The following ARNT2 variants were observed in gnomAD, a reference collection of about 807,000 sequenced individuals.
ARNT2 encodes the protein ARNT protein 2.
Under a neutral mutation model 91.7 loss-of-function variants are expected in ARNT2, and 36 were observed. That is an observed-to-expected ratio of 0.39 (90% confidence interval 0.30 to 0.52). The LOEUF (loss-of-function observed/expected upper bound fraction) is 0.52. Among genes scored for constraint, ARNT2 ranks in the 20% least tolerant of loss-of-function variants. The pLI is 0.72. For synonymous variants in ARNT2, 365 were observed against 347.1 expected (o/e 1.05, Z -0.57); for missense variants, 775 against 939.3 (o/e 0.83, Z 2.29).
chr15:80,558,694 G>A (rs1035654286), intron 11 of ARNT2, among the ~76,000 whole-genome samples: 2 of 152,058 alleles, frequency 1.3e-5, no homozygotes, highest in African/African-American at 4.8e-5. Context: ...CCCTGTACAA[G>A]GGTGGCTCTC....
chr15:80,445,321 T>C (rs1165692846), intron 1 of ARNT2, among the ~76,000 whole-genome samples: 2 of 146,430 alleles, frequency 1.4e-5, no homozygotes, highest in Non-Finnish European at 3.0e-5. Flanking sequence ...GGTGTGGGGG[T>C]GTGTGGTGTG....
intron 5 of ARNT2, among the ~76,000 whole-genome samples, chr15:80,492,047 T>C (rs1179635683): frequency 6.6e-6 from 1 of 152,116 alleles, no homozygotes; most frequent in Non-Finnish European, 1.5e-5. Context: ...TTTCTTTCTT[T>C]CTTTTTTTTT....
chr15:80,571,419 T>G (rs955470562), intron 12 of ARNT2, among the ~76,000 whole-genome samples: 1 of 152,226 alleles, frequency 6.6e-6, no homozygotes, highest in African/African-American at 2.4e-5. Context: ...AAATCTAGTC[T>G]TGCTCAGTCT....
chr15:80,446,122 C>A (rs1009262289), intron 1 of ARNT2, among the ~76,000 whole-genome samples: 1 of 152,052 alleles, frequency 6.6e-6, no homozygotes, highest in Admixed American at 6.6e-5. Context: ...GCGTTGCTAT[C>A]CCCATTTTGC....
rs371536101 is a variant in ARNT2 at position 80,475,969 on chromosome 15, A to G, written c.622+746A>G. 2.6e-5 allele frequency among the ~76,000 whole-genome samples: 4 copies of G among 152,332 alleles called. No individual in the cohort carries two copies. In the East Asian group the frequency reaches 7.7e-4, roughly 29 times the overall value. ...AGTATACACAATCATGCAATTCAAA[A>G]CTATAGGGCTTATCGAGAAAAAGTG... On this transcript the variant is annotated intron_variant, in intron 5 of 18. Transcript: ENST00000303329.
At chr15:80,495,806 A>G (rs1897118811) in intron 5 of ARNT2, among the ~76,000 whole-genome samples, 2 of 151,770 alleles carry the variant, frequency 1.3e-5, no homozygotes, top group South Asian at 4.2e-4. Flanking sequence ...CCCTCCTTCC[A>G]CTTTCCCCAC....
At chr15:80,530,345 T>A (rs1897716238) in intron 8 of ARNT2, among the ~76,000 whole-genome samples, 1 of 152,152 alleles carries the variant, frequency 6.6e-6, no homozygotes, top group South Asian at 2.1e-4. Flanking sequence ...GCGCAGACAT[T>A]CTGCCACCAT....
chr15:80,571,906 T>G (rs1177700547), intron 12 of ARNT2, among the ~76,000 whole-genome samples: 1 of 152,212 alleles, frequency 6.6e-6, no homozygotes, highest in Non-Finnish European at 1.5e-5. Context: ...CTCTTTGAAC[T>G]TCAGTTTCTT....
chr15:80,418,965 A>G (rs951608788), intron 1 of ARNT2, among the ~76,000 whole-genome samples: 3 of 152,184 alleles, frequency 2.0e-5, no homozygotes, highest in Non-Finnish European at 2.9e-5. Context: ...GGAAAGAATG[A>G]CAGAGTCTGT....
chr15:80,550,760 A>G (rs1402739438), intron 8 of ARNT2, among the ~76,000 whole-genome samples: 3 of 152,244 alleles, frequency 2.0e-5, no homozygotes, highest in African/African-American at 7.2e-5. Context: ...TTGCCTGACA[A>G]GTTAGTAACC....
At chr15:80,512,412 A>G (rs1897357583) in intron 6 of ARNT2, among the ~76,000 whole-genome samples, 1 of 152,234 alleles carries the variant, frequency 6.6e-6, no homozygotes, top group Non-Finnish European at 1.5e-5. Flanking sequence ...CACCTGCCTC[A>G]GGTCACAGGA....
At chr15:80,443,486 C>A (rs1331207376) in intron 1 of ARNT2, among the ~76,000 whole-genome samples, 6 of 151,312 alleles carry the variant, frequency 4.0e-5, no homozygotes. Flanking sequence ...GCAGCAGAGC[C>A]CAGAAGATGG....
At chr15:80,469,461 A>G (rs774869091) in intron 3 of ARNT2, among the ~76,000 whole-genome samples, 6 of 151,880 alleles carry the variant, frequency 4.0e-5, no homozygotes, top group Non-Finnish European at 8.8e-5. Context: ...TGGTAAGACT[A>G]TATAGTGCTT....
At chr15:80,458,973 G>A (rs928456245) in intron 3 of ARNT2, among the ~76,000 whole-genome samples, 5 of 152,162 alleles carry the variant, frequency 3.3e-5, no homozygotes, top group Non-Finnish European at 5.9e-5. Flanking sequence ...TGGGCCCCCT[G>A]AGTTACCCTA....
rs572789099 is a variant in ARNT2, at chr15:80,416,581, A to C, written c.31+12035A>C. Among the ~76,000 whole-genome samples, 4 of 152,228 alleles carry C rather than the reference A, an allele frequency of 2.6e-5. No homozygotes were observed. In the East Asian group the frequency reaches 7.7e-4, roughly 29 times the overall value. On this transcript the variant is annotated intron_variant, in intron 1 of 18. Transcript: ENST00000303329. Reference sequence around the variant, plus strand: ...GGATTATAAGTTACATTAAGTTCTGATGTCTCTTTAGTGTCCTTTAATTCT... The same window carrying C: ...GGATTATAAGTTACATTAAGTTCTGCTGTCTCTTTAGTGTCCTTTAATTCT...
chr15:80,417,234 G>A (rs1895798873), intron 1 of ARNT2, among the ~76,000 whole-genome samples: 1 of 152,096 alleles, frequency 6.6e-6, no homozygotes, highest in Admixed American at 6.5e-5. Flanking sequence ...TTAACAATTG[G>A]ATCTTCATTC....
intron 8 of ARNT2, among the ~76,000 whole-genome samples, chr15:80,545,893 G>C (rs996780046): frequency 6.6e-6 from 1 of 152,146 alleles, no homozygotes. Context: ...CCTTCACCCC[G>C]GAAGGATACA....
intron 5 of ARNT2, among the ~76,000 whole-genome samples, chr15:80,506,188 G>A (rs549629498): frequency 2.6e-5 from 4 of 151,850 alleles, no homozygotes; most frequent in African/African-American, 4.8e-5. Context: ...CACCCGCCTC[G>A]GCCTCCCAAA....
chr15:80,456,457 T>C (rs1205931994), intron 2 of ARNT2, among the ~76,000 whole-genome samples: 1 of 152,166 alleles, frequency 6.6e-6, no homozygotes, highest in Non-Finnish European at 1.5e-5. Flanking sequence ...CGTCAGGTCA[T>C]TCCAAACAAA....
Sources: allele counts gnomAD v4.1 joint callset (sites outside exome capture counted in the v4.1 genomes callset), GRCh38; gene constraint gnomAD v4.1.1; transcripts MANE v1.5; gene names NCBI Gene and HGNC (gene_info 2026-07-23, HGNC 2026-07-21).